THUMPD2: variants seen among roughly 807,000 people sequenced by gnomAD.
The protein encoded by THUMPD2 is U6 snRNA (guanine-N(2))-methyltransferase THUMPD2.
THUMPD2 carries 56 observed loss-of-function variants against 49.4 expected under a neutral mutation model. That is an observed-to-expected ratio of 1.13 (90% CI 0.91 to 1.41). The LOEUF (loss-of-function observed/expected upper bound fraction) is 1.41, where lower values mean the gene tolerates loss of function less well. THUMPD2 is among the 40% of genes most tolerant of loss of function. The pLI is 0.00. For missense variants in THUMPD2, 709 were observed against 594.5 expected (o/e 1.19, Z -2.00); for synonymous variants, 237 against 205.2 (o/e 1.15, Z -1.32).
chr2:39,771,710 T>C (rs1252772721), intron 1 of THUMPD2, 70 bp from the exon 2 acceptor site: 2 of 1,439,258 alleles, frequency 1.4e-6, no homozygotes, highest in Non-Finnish European at 1.9e-6. Flanking sequence ...TCCCTCAAGA[T>C]ATAGCATCTA....
chr2:39,774,666 C>G (rs1055057727), intron 1 of THUMPD2, among the ~76,000 whole-genome samples: 2 of 152,210 alleles, frequency 1.3e-5, no homozygotes, highest in Non-Finnish European at 2.9e-5. Flanking sequence ...ACTTCAAAAA[C>G]TGCTGAAGCT....
At chr2:39,738,711 T>TA (rs1311611649) in intron 9 of THUMPD2, among the ~76,000 whole-genome samples, 1 of 149,100 alleles carries the variant, frequency 6.7e-6, no homozygotes, top group Non-Finnish European at 1.5e-5. Context: ...TATATATATG[T>TA]AAAATAACAA....
At chr2:39,750,114 C>T (rs1172774102) in intron 8 of THUMPD2, among the ~76,000 whole-genome samples, 1 of 152,146 alleles carries the variant, frequency 6.6e-6, no homozygotes, top group Non-Finnish European at 1.5e-5. Context: ...GATATATGCA[C>T]TGTAATGGAA....
chr2:39,737,642 G>A (rs1300818825), intron 9 of THUMPD2, among the ~76,000 whole-genome samples: 1 of 152,216 alleles, frequency 6.6e-6, no homozygotes, highest in African/African-American at 2.4e-5. Context: ...AGTAAAGGGT[G>A]TGAAAATGCT....
chr2:39,736,850 A>G lies in THUMPD2; in HGVS notation c.1397T>C (p.Leu466Ser). ...TSFEASNHKF[L>S]DRMSPFGSLV... The stretch of plus-strand genomic sequence containing the variant: ...GGAGCCAAATGGTGACATTCTGTCT[A>G]AGAATTTGTGGTTACTGGCTTCGAA... Residue 466 changes from leucine to serine, a missense_variant, in exon 10 of 10, where the codon TTA (leucine) becomes TCA (serine). Transcript: ENST00000505747. 6.2e-7 allele frequency: 1 copy of G among 1,614,220 alleles called. No individual in the cohort carries two copies. The highest frequency in any genetic ancestry group is 1.3e-5 in the African/African-American group (1 of 75,070).
At chr2:39,768,863 G>A (rs1159494539) in intron 3 of THUMPD2, 1 of 1,262,186 alleles carries the variant, frequency 7.9e-7, no homozygotes, top group Admixed American at 2.3e-5. Context: ...ATAAGCCTAT[G>A]TGTTTAAAAA....
At chr2:39,751,947 A>AGGCTGCCTGCCAT (rs1675467020) in intron 8 of THUMPD2, among the ~76,000 whole-genome samples, 1 of 152,118 alleles carries the variant, frequency 6.6e-6, no homozygotes, top group African/African-American at 2.4e-5. Context: ...TCAGCCTTCC[A>AGGCTGCCTGCCAT]AAGTGCTGGG....
intron 2 of THUMPD2, among the ~76,000 whole-genome samples, chr2:39,770,961 T>C (rs1052183415): frequency 2.6e-5 from 4 of 152,152 alleles, no homozygotes; most frequent in African/African-American, 9.7e-5. Context: ...ATCCATATGT[T>C]GTTTTAGCAG....
chr2:39,753,584 C>T (rs4670958), intron 8 of THUMPD2, among the ~76,000 whole-genome samples: 61,816 of 151,996 alleles, frequency 0.41, 13,669 homozygotes, highest in East Asian at 0.74. Context: ...GTCTAATAAT[C>T]GTGCGAAATT....
chr2:39,739,403 G>A (rs1673592717), intron 9 of THUMPD2, among the ~76,000 whole-genome samples: 1 of 152,164 alleles, frequency 6.6e-6, no homozygotes, highest in South Asian at 2.1e-4. Context: ...ACGCCCCACA[G>A]TCAAATATCA....
At chr2:39,755,462 T>C in intron 7 of THUMPD2, 53 bp from the exon 8 acceptor site, 1 of 1,237,792 alleles carries the variant, frequency 8.1e-7, no homozygotes, top group Non-Finnish European at 1.1e-6. Context: ...ATATTTCATG[T>C]AGTTAAGAAA....
intron 1 of THUMPD2, among the ~76,000 whole-genome samples, chr2:39,775,371 C>G (rs1678935214): frequency 6.6e-6 from 1 of 152,106 alleles, no homozygotes; most frequent in African/African-American, 2.4e-5. Context: ...CATTTAGTTA[C>G]AGAATTAATT....
intron 8 of THUMPD2, among the ~76,000 whole-genome samples, chr2:39,748,796 T>C (rs573651501): frequency 8.5e-5 from 13 of 152,118 alleles, no homozygotes; most frequent in African/African-American, 2.9e-4. Flanking sequence ...GGCAATACAG[T>C]GAGACCCCAT....
chr2:39,739,299 T>C (rs1184350983), intron 9 of THUMPD2, among the ~76,000 whole-genome samples: 1 of 152,184 alleles, frequency 6.6e-6, no homozygotes, highest in African/African-American at 2.4e-5. Context: ...CTTACTGACC[T>C]TCCTTCAGCT....
chr2:39,753,961 C>T (rs934709614), intron 8 of THUMPD2, among the ~76,000 whole-genome samples: 1 of 152,070 alleles, frequency 6.6e-6, no homozygotes, highest in Admixed American at 6.5e-5. Flanking sequence ...TTAAAAAGCA[C>T]ACACACACAA....
In THUMPD2 at chr2:39,779,146, G is replaced by C. The variant is rs748256683; in HGVS notation, c.94C>G (p.Arg32Gly). 17 of 1,519,844 alleles carry C rather than the reference G, an allele frequency of 1.1e-5. No individual in the cohort carries two copies. The highest frequency in any genetic ancestry group is 1.5e-5 in the Non-Finnish European group (17 of 1,139,690). The allele number at this position is 1,519,844 out of a possible 1,614,324, so 94.1% of individuals were successfully genotyped here. ...GCCGCCAGCCGCGCCCGCACCTCTC[G>C]CATTACGAACGGCTCCAGGCCGCGA... Reference protein sequence around the residue: ...AGRGLEPFVMREVRARLAATQ... With the variant: ...AGRGLEPFVMGEVRARLAATQ... Residue 32 changes from arginine (R) to glycine (G), a missense_variant, in exon 1 of 10, where the codon CGA (arginine) becomes GGA (glycine). Coordinates refer to ENST00000505747, the MANE Select transcript of THUMPD2 (RefSeq NM_025264.5).
rs138743143 is a variant in THUMPD2 at position 39,755,559 on chromosome 2, A to T, written c.964-150T>A. The T allele has an allele frequency of 4.4e-4, 248 of 559,858 alleles. 1 individual carries two copies. In the African/African-American group the frequency reaches 4.5e-3, roughly 10 times the overall value. 34.7% of individuals were successfully genotyped at this position (559,858 alleles called of 1,614,324 possible). ...ACATTTAGGGTATTCTTTTAAAATC[A>T]TAGTAGCAAAAAATGTAAAGTTTTT... On this transcript the variant is annotated intron_variant, in intron 7 of 9. Coordinates refer to ENST00000505747, the MANE Select transcript of THUMPD2 (RefSeq NM_025264.5).
rs1191308349 is a variant in THUMPD2, at chr2:39,746,190, A to G, written c.1079-1712T>C. ...GGAAACCAGTGCGCCATCCTTCAAAAAAGCTTTGCAGAACACAGTAGTATC... is the reference window on the plus strand; with the variant it reads ...GGAAACCAGTGCGCCATCCTTCAAAGAAGCTTTGCAGAACACAGTAGTATC... On this transcript the variant is annotated intron_variant, in intron 8 of 9. Transcript: ENST00000505747. Among the ~76,000 whole-genome samples, 3 of 152,184 alleles carry G rather than the reference A, an allele frequency of 2.0e-5. No individual in the cohort carries two copies. In the East Asian group the frequency reaches 5.8e-4, roughly 29 times the overall value.
chr2:39,740,238 T>A (rs528559216), intron 9 of THUMPD2, among the ~76,000 whole-genome samples: 4 of 152,162 alleles, frequency 2.6e-5, no homozygotes, highest in Non-Finnish European at 5.9e-5. Flanking sequence ...AATAAAAAAT[T>A]GGGGATTATC....
Sources: gnomAD v4.1 joint callset for allele counts (sites outside exome capture counted in the v4.1 genomes callset) on GRCh38, gnomAD v4.1.1 for gene constraint, MANE v1.5 for transcripts, NCBI Gene and HGNC (gene_info 2026-07-23, HGNC 2026-07-21) for gene names.